GPATCH2: variants seen among roughly 807,000 people sequenced by gnomAD.
GPATCH2 encodes the protein G-patch domain containing 2.
In GPATCH2, 51 loss-of-function variants were observed where a neutral mutation model predicts 58.0. The observed-to-expected ratio is 0.88, with a 90% confidence interval of 0.70 to 1.11. The LOEUF is 1.11. Ranked by LOEUF, GPATCH2 falls within the 50% of genes most tolerant of loss-of-function variation. The pLI, the probability that GPATCH2 is intolerant of heterozygous loss-of-function variation, is 0.00. For synonymous variants in GPATCH2, 222 were observed against 218.5 expected, an observed-to-expected ratio of 1.02 and a Z score of -0.14; for missense variants, 625 against 652.2, an observed-to-expected ratio of 0.96 and a Z score of 0.45.
intron 5 of GPATCH2, chr1:217,609,423 A>T: frequency 2.0e-6 from 2 of 984,396 alleles, no homozygotes; most frequent in Non-Finnish European, 2.4e-6. Context: ...GTATCAGACA[A>T]AGCAGATAAT....
intron 8 of GPATCH2, among the ~76,000 whole-genome samples, chr1:217,479,791 T>C (rs1209542476): frequency 5.3e-5 from 8 of 151,892 alleles, no homozygotes; most frequent in Non-Finnish European, 1.0e-4. Flanking sequence ...TAAAGACACA[T>C]ATTGAATGAA....
chr1:217,586,062 T>C (rs1183508797), intron 5 of GPATCH2, among the ~76,000 whole-genome samples: 1 of 152,202 alleles, frequency 6.6e-6, no homozygotes, highest in Non-Finnish European at 1.5e-5. Context: ...TACTGGAAGT[T>C]GCTCTGGGTT....
intron 5 of GPATCH2, among the ~76,000 whole-genome samples, chr1:217,604,627 A>G (rs1668271357): frequency 6.6e-6 from 1 of 152,210 alleles, no homozygotes; most frequent in Admixed American, 6.5e-5. Context: ...ACAGTTGAGG[A>G]CATAGGCTGT....
intron 5 of GPATCH2, among the ~76,000 whole-genome samples, chr1:217,551,882 A>G (rs1665379445): frequency 6.6e-6 from 1 of 152,202 alleles, no homozygotes; most frequent in African/African-American, 2.4e-5. Context: ...CATATCATGT[A>G]ACATCACCCA....
intron 5 of GPATCH2, among the ~76,000 whole-genome samples, chr1:217,523,408 A>G (rs1011141129): frequency 6.6e-6 from 1 of 151,642 alleles, no homozygotes; most frequent in African/African-American, 2.4e-5. Flanking sequence ...GCGTCTGTTT[A>G]ACAAGGCACA....
intron 6 of GPATCH2, among the ~76,000 whole-genome samples, chr1:217,503,749 G>A (rs1006751765): frequency 2.0e-5 from 3 of 152,010 alleles, no homozygotes; most frequent in South Asian, 2.1e-4. Flanking sequence ...AGTAGCCAGG[G>A]GAGTTTCTCA....
intron 5 of GPATCH2, among the ~76,000 whole-genome samples, chr1:217,525,722 G>A (rs559706459): frequency 1.3e-5 from 2 of 152,092 alleles, no homozygotes; most frequent in South Asian, 4.2e-4. Flanking sequence ...ATTTTTTGGG[G>A]GGTAGCAGAA....
intron 5 of GPATCH2, among the ~76,000 whole-genome samples, chr1:217,574,151 C>A (rs555854311): frequency 6.6e-6 from 1 of 152,240 alleles, no homozygotes; most frequent in Admixed American, 6.5e-5. Context: ...GAAGGTTTCT[C>A]AAATGCTGAG....
intron 5 of GPATCH2, among the ~76,000 whole-genome samples, chr1:217,571,328 A>G (rs1666526606): frequency 2.0e-5 from 3 of 152,158 alleles, no homozygotes; most frequent in African/African-American, 7.2e-5. Flanking sequence ...TGTAAACCCA[A>G]ACAGGTGCTC....
chr1:217,560,194 T>C (rs184915779), intron 5 of GPATCH2, among the ~76,000 whole-genome samples: 5 of 152,322 alleles, frequency 3.3e-5, no homozygotes, highest in African/African-American at 1.2e-4. Context: ...TACTCGTGTT[T>C]GTTTTGCAAG....
intron 9 of GPATCH2, among the ~76,000 whole-genome samples, chr1:217,442,666 A>C (rs1659199797): frequency 6.6e-6 from 1 of 152,204 alleles, no homozygotes; most frequent in Non-Finnish European, 1.5e-5. Flanking sequence ...AAATACCTCA[A>C]GATTCATTTT....
intron 8 of GPATCH2, among the ~76,000 whole-genome samples, chr1:217,484,527 T>C (rs1252376488): frequency 6.9e-6 from 1 of 144,386 alleles, no homozygotes; most frequent in African/African-American, 2.5e-5. Flanking sequence ...AGCCAATTCC[T>C]TCAAATAAAT....
chr1:217,559,351 T>C (rs1324436451), intron 5 of GPATCH2, among the ~76,000 whole-genome samples: 1 of 151,838 alleles, frequency 6.6e-6, no homozygotes, highest in Non-Finnish European at 1.5e-5. Flanking sequence ...CTTCAAAAGA[T>C]ACCGAGGAAA....
At position 217,427,113 on chromosome 1, in the gene GPATCH2, A is replaced by G. The variant is rs1223069751; in HGVS notation, c.*4032T>C. On this transcript the variant is annotated 3_prime_UTR_variant, in exon 10 of 10. Coordinates refer to ENST00000366935, the MANE Select transcript of GPATCH2 (RefSeq NM_018040.5). ...ATGTCCAAGCAGCTTTATGAGAGGC[A>G]CAACTTTCCAAAAGGAAATGGAGTG... 2.0e-5 allele frequency: 3 copies of G among 152,198 alleles called. No homozygotes were observed. Among genetic ancestry groups the G allele is most frequent in the Admixed American group, 2.0e-4 (3 of 15,268 alleles). 9.4% of individuals were successfully genotyped at this position (152,198 alleles called of 1,614,324 possible). A position where few individuals can be genotyped will look rare whatever the true frequency, so the allele number is the denominator to read the frequency against.
intron 5 of GPATCH2, among the ~76,000 whole-genome samples, chr1:217,582,228 A>T (rs1343627063): frequency 6.6e-6 from 1 of 152,080 alleles, no homozygotes; most frequent in East Asian, 1.9e-4. Context: ...TTTAACTGTC[A>T]CAGAAAAGAC....
chr1:217,450,949 T>A (rs537927025), intron 8 of GPATCH2, among the ~76,000 whole-genome samples: 1 of 152,128 alleles, frequency 6.6e-6, no homozygotes, highest in Non-Finnish European at 1.5e-5. Context: ...TATCAGTATC[T>A]ATTATGGACT....
At chr1:217,624,652 T>G (rs1406299919) in intron 1 of GPATCH2, among the ~76,000 whole-genome samples, 1 of 152,244 alleles carries the variant, frequency 6.6e-6, no homozygotes, top group African/African-American at 2.4e-5. Flanking sequence ...TAGAGATAGT[T>G]TCTTAAATAA....
chr1:217,620,177 T>C lies in GPATCH2; in HGVS notation c.379A>G (p.Arg127Gly), dbSNP rs201237627. 1.2e-6 allele frequency: 2 copies of C among 1,614,070 alleles called. No individual in the cohort carries two copies. The highest frequency in any genetic ancestry group is 1.3e-5 in the African/African-American group (1 of 75,050). ...SDDQMLVAKR[R>G]PSSNLNNNVR... Reference sequence around the variant, plus strand: ...TTATTATTTAAGTTTGATGACGGCCTGCGCTTTGCTACTAACATTTGGTCA... The same window carrying C: ...TTATTATTTAAGTTTGATGACGGCCCGCGCTTTGCTACTAACATTTGGTCA... The change falls in exon 2 of 10, where the codon AGG becomes GGG. Residue 127 changes from arginine (R) to glycine (G), a missense_variant. Coordinates refer to ENST00000366935, the MANE Select transcript of GPATCH2 (RefSeq NM_018040.5).
At chr1:217,610,027 C>A in intron 5 of GPATCH2, 1 of 1,427,388 alleles carries the variant, frequency 7.0e-7, no homozygotes, top group Non-Finnish European at 9.1e-7. Context: ...CAAAAACAGC[C>A]CCATCTTTTC....
Sources: allele counts gnomAD v4.1 joint callset (sites outside exome capture counted in the v4.1 genomes callset), GRCh38; gene constraint gnomAD v4.1.1; transcripts MANE v1.5; gene names NCBI Gene and HGNC (gene_info 2026-07-23, HGNC 2026-07-21).